PRKDC: variants seen among roughly 807,000 people sequenced by gnomAD.
PRKDC encodes the protein DNA-dependent protein kinase catalytic subunit.
A neutral mutation model predicts 486.9 loss-of-function variants in PRKDC; 82 were observed. The ratio of observed to expected loss-of-function variants is 0.17; its 90% CI spans 0.14 to 0.20. The LOEUF (loss-of-function observed/expected upper bound fraction) is 0.20. Ranked by LOEUF, PRKDC falls within the 10% of genes least tolerant of loss-of-function variation. PRKDC has a pLI of 1.00. For synonymous variants in PRKDC, 1,895 were observed against 1,837.0 expected, an observed-to-expected ratio of 1.03 and a Z score of -0.81; for missense variants, 4,504 against 5,038.2, an observed-to-expected ratio of 0.89 and a Z score of 3.21.
intron 54 of PRKDC, among the ~76,000 whole-genome samples, chr8:47,848,932 T>G (rs1478607488): frequency 6.6e-6 from 1 of 152,168 alleles, no homozygotes; most frequent in Admixed American, 6.5e-5. Context: ...AAACACGCCC[T>G]GGGATGTGGC....
intron 21 of PRKDC, among the ~76,000 whole-genome samples, chr8:47,920,788 C>T (rs575637375): frequency 2.6e-5 from 4 of 152,110 alleles, no homozygotes; most frequent in Non-Finnish European, 5.9e-5. Context: ...CTTCTCATAA[C>T]GTTTTTTAAA....
chr8:47,878,246 C>T (rs959699100), intron 39 of PRKDC, among the ~76,000 whole-genome samples: 1 of 151,886 alleles, frequency 6.6e-6, no homozygotes, highest in Admixed American at 6.6e-5. Flanking sequence ...GCTGGGACTA[C>T]AGGCGCCCGC....
intron 76 of PRKDC, 93 bp downstream of exon 76, chr8:47,788,811 TTA>T (rs991103526): frequency 3.7e-5 from 44 of 1,180,154 alleles, no homozygotes; most frequent in Non-Finnish European, 2.2e-5. Context: ...AAATTAATGA[TTA>T]CATTTAATAC....
At chr8:47,921,965 G>A (rs1435592244) in intron 21 of PRKDC, among the ~76,000 whole-genome samples, 1 of 152,008 alleles carries the variant, frequency 6.6e-6, no homozygotes, top group African/African-American at 2.4e-5. Flanking sequence ...ATTTTTAGTA[G>A]AGCCAGGGTT....
chr8:47,813,510 T>C (rs1421990717), intron 68 of PRKDC, among the ~76,000 whole-genome samples: 4 of 152,148 alleles, frequency 2.6e-5, no homozygotes, highest in African/African-American at 7.2e-5. Flanking sequence ...CATGCCCAAA[T>C]AGGATAGGTT....
intron 55 of PRKDC, 120 bp from the exon 56 acceptor site, chr8:47,839,366 G>A: frequency 1.4e-6 from 1 of 723,790 alleles, no homozygotes; most frequent in Non-Finnish European, 2.4e-6. Flanking sequence ...TTAGACTTTA[G>A]ATCTCCAAAT....
intron 21 of PRKDC, 169 bp downstream of exon 21, chr8:47,927,025 A>T: frequency 1.5e-6 from 1 of 688,700 alleles, no homozygotes; most frequent in South Asian, 2.4e-5. Flanking sequence ...ATATTTCTTT[A>T]TCACAATTAG....
At chr8:47,925,903 CAA>C (rs2090149723) in intron 21 of PRKDC, among the ~76,000 whole-genome samples, 1 of 152,052 alleles carries the variant, frequency 6.6e-6, no homozygotes, top group South Asian at 2.1e-4. Context: ...TTTGATACAT[CAA>C]AAAAAGTTAT....
At chr8:47,778,343 AAACGAATCTAACTAATATGTTG>A in intron 83 of PRKDC, 94 bp downstream of exon 83, 1 of 1,157,150 alleles carries the variant, frequency 8.6e-7, no homozygotes, top group African/African-American at 1.5e-5. Context: ...GACCATGACA[AAACGAATCTAACTAATATGTTG>A]TTTTTCCTTA....
At chr8:47,820,200 G>A (rs763975157) in intron 66 of PRKDC, among the ~76,000 whole-genome samples, 7 of 152,142 alleles carry the variant, frequency 4.6e-5, no homozygotes, top group Non-Finnish European at 8.8e-5. Flanking sequence ...ATCACCTGAC[G>A]TCAGGAGTTC....
At chr8:47,829,121 T>C (rs1351683935) in intron 61 of PRKDC, among the ~76,000 whole-genome samples, 1 of 152,244 alleles carries the variant, frequency 6.6e-6, no homozygotes, top group East Asian at 1.9e-4. Context: ...ATCTTCCCTG[T>C]TAATAAGTTT....
At chr8:47,813,782 C>T (rs2087383898) in intron 68 of PRKDC, among the ~76,000 whole-genome samples, 1 of 152,128 alleles carries the variant, frequency 6.6e-6, no homozygotes, top group South Asian at 2.1e-4. Context: ...CCATGTTTGT[C>T]AGGCTGGTCT....
At chr8:47,934,137 A>T (rs1174584464) in intron 14 of PRKDC, 47 bp from the exon 15 acceptor site, 1 of 1,555,124 alleles carries the variant, frequency 6.4e-7, no homozygotes, top group African/African-American at 1.4e-5. Context: ...GATTCTCAGA[A>T]GCAGCACTGC....
chr8:47,949,399 G>A (rs947413169), intron 7 of PRKDC, among the ~76,000 whole-genome samples: 30 of 152,176 alleles, frequency 2.0e-4, no homozygotes, highest in Admixed American at 8.5e-4. Context: ...ATACAACAGA[G>A]ACATTTTACC....
At chr8:47,903,873 G>C (rs2089727362) in intron 26 of PRKDC, among the ~76,000 whole-genome samples, 1 of 152,072 alleles carries the variant, frequency 6.6e-6, no homozygotes, top group Non-Finnish European at 1.5e-5. Context: ...TTATAGGTAG[G>C]ATTCACTGGT....
Position 47,807,201 on chromosome 8 carries a change from C to T in PRKDC, c.9683G>A (p.Ser3228Asn). 7 of 1,613,888 alleles carry T rather than the reference C, an allele frequency of 4.3e-6. No individual in the cohort carries two copies. Among genetic ancestry groups the T allele is most frequent in the South Asian group, 1.1e-5 (1 of 91,064 alleles). Reference sequence around the variant, plus strand: ...AAACTTGCAACTCCTGATCAGGGAGCTGATATCTTCTTCCTGCTCTTGCAC... The same window carrying T: ...AAACTTGCAACTCCTGATCAGGGAGTTGATATCTTCTTCCTGCTCTTGCAC... Reference protein sequence around the residue: ...MEVQEQEEDISSLIRSCKFSM... With the variant: ...MEVQEQEEDINSLIRSCKFSM... Residue 3228 changes from serine (S) to asparagine (N), a missense_variant, in exon 69 of 86, where the codon AGC becomes AAC. This residue lies in a region of PRKDC where 1,592 missense variants were observed against 1,724.6 expected (regional missense o/e 0.92). Transcript: ENST00000314191.
chr8:47,904,765 C>A, intron 26 of PRKDC, 104 bp downstream of exon 26: 2 of 888,814 alleles, frequency 2.3e-6, no homozygotes, highest in South Asian at 3.5e-5. Context: ...TGCATTCCAG[C>A]CTGGGCGACG....
chr8:47,881,858 A>C (rs754377558), intron 37 of PRKDC, 54 bp downstream of exon 37: 122 of 1,427,494 alleles, frequency 8.5e-5, no homozygotes, highest in Non-Finnish European at 1.1e-4. Flanking sequence ...TTAAAGACAC[A>C]AGTTACAGAG....
chr8:47,898,650 G>A, intron 28 of PRKDC, 81 bp from the exon 29 acceptor site: 1 of 882,058 alleles, frequency 1.1e-6, no homozygotes, highest in Non-Finnish European at 1.5e-6. Context: ...AAATGTGTTG[G>A]CCTAATTTTT....
Sources: allele counts gnomAD v4.1 joint callset (sites outside exome capture counted in the v4.1 genomes callset), GRCh38; gene constraint gnomAD v4.1.1; regional missense constraint gnomAD v4.1.1; transcripts MANE v1.5; gene names NCBI Gene and HGNC (gene_info 2026-07-23, HGNC 2026-07-21).